Variants in RBFOX1 observed in about 807,000 individuals in gnomAD.
RBFOX1 encodes RNA binding fox-1 homolog 1.
RBFOX1 carries 8 observed loss-of-function variants against 57.7 expected under a neutral mutation model. That is an observed-to-expected ratio of 0.14 (90% CI 0.08 to 0.25). RBFOX1 has a LOEUF of 0.25. Among genes scored for constraint, RBFOX1 ranks in the 10% least tolerant of loss-of-function variants. The pLI, the probability that RBFOX1 is intolerant of heterozygous loss-of-function variation, is 1.00. For synonymous variants in RBFOX1, 326 were observed against 222.4 expected, an observed-to-expected ratio of 1.47 and a Z score of -4.15; for missense variants, 611 against 548.5, an observed-to-expected ratio of 1.11 and a Z score of -1.14.
intron 14 of RBFOX1, among the ~76,000 whole-genome samples, chr16:7,705,680 T>C (rs1323854082): frequency 6.6e-6 from 1 of 152,144 alleles, no homozygotes; most frequent in East Asian, 1.9e-4. Context: ...GATTTATATT[T>C]AAGTGGAGAG....
intron 2 of RBFOX1, among the ~76,000 whole-genome samples, chr16:5,520,493 G>C (rs968392178): frequency 6.6e-6 from 1 of 152,278 alleles, no homozygotes; most frequent in Admixed American, 6.5e-5. Flanking sequence ...AAATGAAACT[G>C]TTCTGGGGTT....
intron 1 of RBFOX1, among the ~76,000 whole-genome samples, chr16:5,416,404 C>T (rs971029070): frequency 4.6e-5 from 7 of 152,150 alleles, no homozygotes. Context: ...CCTCAGTGAT[C>T]TAGTGGATCT....
intron 1 of RBFOX1, among the ~76,000 whole-genome samples, chr16:5,444,808 G>A (rs1170027421): frequency 6.6e-6 from 1 of 152,196 alleles, no homozygotes; most frequent in African/African-American, 2.4e-5. Context: ...GATGTATTAG[G>A]TTGAACTGTA....
At chr16:5,582,235 G>A (rs1370226636) in intron 2 of RBFOX1, among the ~76,000 whole-genome samples, 1 of 152,140 alleles carries the variant, frequency 6.6e-6, no homozygotes, top group East Asian at 1.9e-4. Flanking sequence ...ACAGGCTGGT[G>A]GGGAGTTAGG....
At chr16:6,691,805 C>T (rs60248013) in intron 3 of RBFOX1, among the ~76,000 whole-genome samples, 18,779 of 152,132 alleles carry the variant, frequency 0.12, 2,311 homozygotes, top group East Asian at 0.42. Context: ...CAGATAGGCT[C>T]GATGTCATCC....
chr16:7,287,993 C>G (rs576878807), intron 4 of RBFOX1, among the ~76,000 whole-genome samples: 1 of 152,074 alleles, frequency 6.6e-6, no homozygotes, highest in African/African-American at 2.4e-5. Context: ...AAAATCCAAA[C>G]CAATCTCGTG....
At chr16:7,266,499 C>T (rs1466512306) in intron 4 of RBFOX1, among the ~76,000 whole-genome samples, 1 of 152,182 alleles carries the variant, frequency 6.6e-6, no homozygotes, top group Admixed American at 6.5e-5. Flanking sequence ...ATTACTCAGT[C>T]TCTGGTATTT....
At chr16:6,683,222 C>A (rs1168045171) in intron 3 of RBFOX1, among the ~76,000 whole-genome samples, 2 of 152,226 alleles carry the variant, frequency 1.3e-5, no homozygotes, top group East Asian at 3.9e-4. Context: ...GAGAACTGTT[C>A]TAAATTTAAA....
At chr16:7,000,801 A>G (rs1027179776) in intron 3 of RBFOX1, among the ~76,000 whole-genome samples, 1 of 151,662 alleles carries the variant, frequency 6.6e-6, no homozygotes, top group Non-Finnish European at 1.5e-5. Context: ...AGACGGTTTC[A>G]CTGTGTTAGC....
intron 10 of RBFOX1, among the ~76,000 whole-genome samples, chr16:7,612,331 AAAAAAAAAAAAAAAAAAAGAC>A (rs1337839581): frequency 1.4e-5 from 2 of 143,980 alleles, no homozygotes; most frequent in Non-Finnish European, 3.0e-5. Flanking sequence ...AAAAAAAAAA[AAAAAAAAAAAAAAAAAAAGAC>A]AAATGATTGT....
rs957294950 is a variant in RBFOX1 at position 7,559,682 on chromosome 16, G to T, written c.271-20095G>T. On this transcript the variant is annotated intron_variant, in intron 5 of 15. Transcript: ENST00000550418. ...AATTAAGAATGAATTTTCATGACTT[G>T]TGTCTACTGTGTGCCCACACAGTGC... Among the ~76,000 whole-genome samples the T allele has an allele frequency of 3.9e-5, 6 of 152,202 alleles. No individual in the cohort carries two copies. In the South Asian group the frequency reaches 1.2e-3, roughly 32 times the overall value.
intron 3 of RBFOX1, among the ~76,000 whole-genome samples, chr16:5,731,071 C>A (rs535838774): frequency 1.9e-4 from 29 of 151,896 alleles, no homozygotes; most frequent in Non-Finnish European, 3.7e-4. Context: ...AATGTAAGCA[C>A]CATCACCATC....
At chr16:5,536,601 C>A (rs567889081) in intron 2 of RBFOX1, among the ~76,000 whole-genome samples, 2 of 151,862 alleles carry the variant, frequency 1.3e-5, no homozygotes, top group African/African-American at 4.8e-5. Flanking sequence ...TTTCCAGGGA[C>A]GAAGGGTTTG....
At chr16:6,525,372 G>GC (rs1218425162) in intron 2 of RBFOX1, among the ~76,000 whole-genome samples, 5 of 152,260 alleles carry the variant, frequency 3.3e-5, no homozygotes, top group Non-Finnish European at 1.5e-5. Context: ...CTTCTCCTGA[G>GC]CAAGAGCGTG....
chr16:6,048,428 G>C (rs565396135), intron 1 of RBFOX1, among the ~76,000 whole-genome samples: 4 of 152,152 alleles, frequency 2.6e-5, no homozygotes, highest in African/African-American at 7.2e-5. Flanking sequence ...GATTTCTCCT[G>C]TTCTGCCCCT....
At chr16:7,101,179 A>C (rs1214436367) in intron 4 of RBFOX1, among the ~76,000 whole-genome samples, 1 of 152,210 alleles carries the variant, frequency 6.6e-6, no homozygotes, top group African/African-American at 2.4e-5. Context: ...CTATGCATGC[A>C]GGCAGAGCTG....
At chr16:5,961,278 C>T (rs1567194751) in intron 4 of RBFOX1, among the ~76,000 whole-genome samples, 1 of 152,114 alleles carries the variant, frequency 6.6e-6, no homozygotes, top group African/African-American at 2.4e-5. Context: ...ATTTAATCAT[C>T]TTAAGAATCC....
At chr16:6,748,090 C>T (rs2074146514) in intron 3 of RBFOX1, among the ~76,000 whole-genome samples, 1 of 152,194 alleles carries the variant, frequency 6.6e-6, no homozygotes, top group South Asian at 2.1e-4. Context: ...GTTAACTGAA[C>T]TTGTATATGT....
chr16:6,707,627 T>C (rs931588220), intron 3 of RBFOX1, among the ~76,000 whole-genome samples: 1 of 152,088 alleles, frequency 6.6e-6, no homozygotes, highest in Non-Finnish European at 1.5e-5. Context: ...TGGATCTCCT[T>C]GGATGAACTG....
Sources: allele counts gnomAD v4.1 joint callset (sites outside exome capture counted in the v4.1 genomes callset), GRCh38; gene constraint gnomAD v4.1.1; transcripts MANE v1.5; gene names NCBI Gene and HGNC (gene_info 2026-07-23, HGNC 2026-07-21).